TG: variants seen among roughly 807,000 people sequenced by gnomAD.
The protein encoded by TG is thyroid hormones.
A neutral mutation model predicts 324.7 loss-of-function variants in TG; 270 were observed. The ratio of observed to expected loss-of-function variants is 0.83; its 90% CI spans 0.75 to 0.92. The LOEUF is 0.92. TG is among the 40% of genes least tolerant of loss of function. The pLI, the probability that TG is intolerant of heterozygous loss-of-function variation, is 0.00. For synonymous variants in TG, 1,401 were observed against 1,327.0 expected (o/e 1.06, Z -1.21); for missense variants, 3,591 against 3,456.4 (o/e 1.04, Z -0.98).
chr8:133,034,390 T>C (rs1324099449), intron 41 of TG, among the ~76,000 whole-genome samples: 1 of 152,166 alleles, frequency 6.6e-6, no homozygotes, highest in Non-Finnish European at 1.5e-5. Flanking sequence ...TTGCTTGGTA[T>C]TATCAATGCT....
At chr8:133,042,679 T>C (rs200827510) in intron 41 of TG, among the ~76,000 whole-genome samples, 618 of 26,528 alleles carry the variant, frequency 0.023, 6 homozygotes, top group East Asian at 0.11. Context: ...ATTCTGTGTC[T>C]TTTTTTTTTT....
Position 132,900,325 on chromosome 8 carries a change from G to C in TG, c.3419G>C (p.Ser1140Thr). 1 of 1,612,780 alleles carries C rather than the reference G, an allele frequency of 6.2e-7. No homozygotes were observed. The highest frequency in any genetic ancestry group is 8.5e-7 in the Non-Finnish European group (1 of 1,179,640). ...GGAGAAGAGTTGCGGCCTGGCTCGA[G>C]CAGCAGTGCCCAGTGTGAGTAGCAG... ...ASGEELRPGS[S>T]SSAQCPSLCN... Residue 1140 changes from serine to threonine, a missense_variant, in exon 15 of 48, where the codon AGC (serine) becomes ACC (threonine). Transcript: ENST00000220616.
intron 14 of TG, 93 bp from the exon 15 acceptor site, chr8:132,900,144 T>G: frequency 9.2e-7 from 1 of 1,089,288 alleles, no homozygotes; most frequent in Non-Finnish European, 1.4e-6. Context: ...CACCTGTTGT[T>G]TTGGAAGGGA....
chr8:133,043,359 A>G (rs1838687960), intron 41 of TG, among the ~76,000 whole-genome samples: 1 of 152,202 alleles, frequency 6.6e-6, no homozygotes. Context: ...GATGGTTGTT[A>G]TTAAAAGCCA....
intron 41 of TG, among the ~76,000 whole-genome samples, chr8:133,034,644 G>A (rs766060099): frequency 6.6e-6 from 1 of 152,082 alleles, no homozygotes; most frequent in Non-Finnish European, 1.5e-5. Context: ...GGATAAAAAA[G>A]TTCATTTTCT....
intron 41 of TG, among the ~76,000 whole-genome samples, chr8:133,071,909 C>A (rs1844114410): frequency 6.6e-6 from 1 of 152,146 alleles, no homozygotes; most frequent in African/African-American, 2.4e-5. Context: ...CATGATCTAG[C>A]CGGTGTCTGG....
intron 41 of TG, among the ~76,000 whole-genome samples, chr8:133,060,709 A>T (rs534601918): frequency 2.2e-4 from 33 of 152,296 alleles, no homozygotes; most frequent in African/African-American, 7.0e-4. Context: ...AAAGAGGAAA[A>T]CTTCATAACA....
chr8:132,942,662 C>T (rs773858341), intron 26 of TG, among the ~76,000 whole-genome samples: 3 of 152,050 alleles, frequency 2.0e-5, no homozygotes, highest in East Asian at 1.9e-4. Flanking sequence ...TCGCTGCTGG[C>T]GTTCAGCAAA....
Position 132,900,278 on chromosome 8 carries a change from C to T in TG, c.3372C>T (p.Thr1124=). The change falls in exon 15 of 48, where the codon ACC becomes ACT. Residue 1124 remains threonine, a synonymous_variant. Transcript: ENST00000220616. Reference sequence around the variant, plus strand: ...GGCTGCAGGCATCGGGGGCTGGCACCTGGTGTGTGGACCCTGCATCAGGAG... The same window carrying T: ...GGCTGCAGGCATCGGGGGCTGGCACTTGGTGTGTGGACCCTGCATCAGGAG... ...YARLQASGAG[T]WCVDPASGEE... is the part of the protein sequence containing the mutation. 1 of 1,614,100 alleles carries T rather than the reference C, an allele frequency of 6.2e-7. No homozygotes were observed. The highest frequency in any genetic ancestry group is 8.5e-7 in the Non-Finnish European group (1 of 1,180,006).
At chr8:133,055,591 T>A (rs1484759257) in intron 41 of TG, among the ~76,000 whole-genome samples, 1 of 152,154 alleles carries the variant, frequency 6.6e-6, no homozygotes, top group African/African-American at 2.4e-5. Context: ...TTTTTCCGTA[T>A]GTTAGTGGGG....
At chr8:132,994,878 T>G (rs1447296591) in intron 35 of TG, 2 of 1,237,128 alleles carry the variant, frequency 1.6e-6, no homozygotes, top group Non-Finnish European at 2.1e-6. Context: ...TGTGATGGAG[T>G]AAGATTGAGG....
rs1394379148 is a variant in TG at position 132,985,317 on chromosome 8, C to A, written c.6262+1905C>A. On this transcript the variant is annotated intron_variant, in intron 35 of 47. Coordinates refer to ENST00000220616, the MANE Select transcript of TG (RefSeq NM_003235.5). ...ATGTGTGTGAGTTATATGCAAATGCCACACCATTTTGTATAAGAGACTTGA... is the reference window on the plus strand; with the variant it reads ...ATGTGTGTGAGTTATATGCAAATGCAACACCATTTTGTATAAGAGACTTGA... Among the ~76,000 whole-genome samples, 4 of 152,206 alleles carry A rather than the reference C, an allele frequency of 2.6e-5. No homozygotes were observed. In the South Asian group the frequency reaches 6.2e-4, roughly 24 times the overall value.
At chr8:133,043,393 A>T (rs947873847) in intron 41 of TG, among the ~76,000 whole-genome samples, 1 of 152,162 alleles carries the variant, frequency 6.6e-6, no homozygotes, top group Admixed American at 6.5e-5. Context: ...ACCTTTTCTC[A>T]TAACCAATAT....
At chr8:133,104,794 C>T (rs1323087354) in intron 43 of TG, among the ~76,000 whole-genome samples, 1 of 152,118 alleles carries the variant, frequency 6.6e-6, no homozygotes, top group Admixed American at 6.5e-5. Context: ...GACATGGTCA[C>T]ATTGCTTCCC....
In TG at chr8:133,099,113, G is replaced by T. The variant is rs1192272003; in HGVS notation, c.7572+2740G>T. Reference sequence around the variant, plus strand: ...GCAGGAGGCTCACTGCCAAACAGGGGCCTGGCTGGAGAAGCCAGCATTGAA... The same window carrying T: ...GCAGGAGGCTCACTGCCAAACAGGGTCCTGGCTGGAGAAGCCAGCATTGAA... On this transcript the variant is annotated intron_variant, in intron 43 of 47. Transcript: ENST00000220616. 2.6e-5 allele frequency among the ~76,000 whole-genome samples: 4 copies of T among 152,328 alleles called. No individual in the cohort carries two copies. The East Asian group carries it at 7.7e-4, about 29-fold the overall frequency.
chr8:132,900,155 C>T, intron 14 of TG, 82 bp from the exon 15 acceptor site: 2 of 1,215,260 alleles, frequency 1.6e-6, no homozygotes, highest in Non-Finnish European at 2.4e-6. Context: ...TTGGAAGGGA[C>T]ACTTTTGACA....
At chr8:133,098,811 C>A (rs1848824425) in intron 43 of TG, among the ~76,000 whole-genome samples, 1 of 152,042 alleles carries the variant, frequency 6.6e-6, no homozygotes, top group African/African-American at 2.4e-5. Flanking sequence ...AGAGGGTAGC[C>A]CAGGCTCATG....
At chr8:133,127,633 C>CTAAGGT (rs1851619967) in intron 45 of TG, among the ~76,000 whole-genome samples, 1 of 152,170 alleles carries the variant, frequency 6.6e-6, no homozygotes, top group East Asian at 1.9e-4. Context: ...GGCCGTCACA[C>CTAAGGT]CTTTCGAAGA....
rs1025177729 is a variant in TG at position 133,091,436 on chromosome 8, C to T, written c.7240-3608C>T. Among the ~76,000 whole-genome samples the T allele has an allele frequency of 3.4e-4, 51 of 152,208 alleles. 1 individual carries two copies. On this transcript the variant is annotated intron_variant, in intron 41 of 47. Coordinates refer to ENST00000220616, the MANE Select transcript of TG (RefSeq NM_003235.5). ...GATGCCCCAGGGCAGAGCTGCCAGA[C>T]CTCCTGCTTGTCCGGGTAGCTGCCC... is the stretch of plus-strand genomic sequence containing the variant.
Sources: gnomAD v4.1 joint callset for allele counts (sites outside exome capture counted in the v4.1 genomes callset) on GRCh38, gnomAD v4.1.1 for gene constraint, MANE v1.5 for transcripts, NCBI Gene and HGNC (gene_info 2026-07-23, HGNC 2026-07-21) for gene names.